Variants in OCA2 observed in about 807,000 individuals in gnomAD.
OCA2 encodes the protein OCA2 melanosomal transmembrane protein.
Under a neutral mutation model 100.2 loss-of-function variants are expected in OCA2, and 77 were observed. The observed-to-expected ratio is 0.77, with a 90% CI of 0.64 to 0.93. The LOEUF is 0.93. Ranked by LOEUF, OCA2 falls within the 40% of genes least tolerant of loss-of-function variation. The pLI is 0.00. For synonymous variants in OCA2, 432 were observed against 439.2 expected, an observed-to-expected ratio of 0.98 and a Z score of 0.21; for missense variants, 1,062 against 1,089.1, an observed-to-expected ratio of 0.98 and a Z score of 0.35.
chr15:28,019,720 G>A (rs1390632077), intron 6 of OCA2, among the ~76,000 whole-genome samples: 1 of 152,122 alleles, frequency 6.6e-6, no homozygotes, highest in Non-Finnish European at 1.5e-5. Flanking sequence ...ACAGCCCTGA[G>A]GACATTGCTG....
At position 28,081,801 on chromosome 15, in the gene OCA2, G is replaced by A. The variant is rs756543761; in HGVS notation, c.74C>T (p.Pro25Leu). ...GGCCACAAGTTCAGCGAGTCCGCTG[G>A]GCACGGACGTCTGCAGGAGCTCCAC... is the stretch of plus-strand genomic sequence containing the variant. ...PAVELLQTSV[P>L]SGLAELVAGK... The change falls in exon 2 of 24, where the codon CCC (proline) becomes CTC (leucine). Residue 25 changes from proline to leucine, a missense_variant. Physicochemically the swap from Pro to Leu is moderately conservative, Grantham distance 98. Transcript: ENST00000354638. 6.2e-7 allele frequency: 1 copy of A among 1,612,650 alleles called. No homozygotes were observed. The highest frequency in any genetic ancestry group is 8.5e-7 in the Non-Finnish European group (1 of 1,179,830).
At position 27,977,025 on chromosome 15, in the gene OCA2, C is replaced by G. The variant is rs116571735; in HGVS notation, c.1503+6320G>C. On this transcript the variant is annotated intron_variant, in intron 14 of 23. Transcript: ENST00000354638. ...GTTTCCAAAAAATTGTTTATTTTAT[C>G]TAAGTTGTCAAATAGTTTACATAGA... 7.3e-3 allele frequency among the ~76,000 whole-genome samples: 1,106 copies of G among 152,188 alleles called. 21 individuals are homozygous for G. The highest frequency in any genetic ancestry group is 0.025 in the African/African-American group (1,022 of 41,524).
chr15:27,832,015 G>A (rs1447983338), intron 23 of OCA2, among the ~76,000 whole-genome samples: 1 of 147,608 alleles, frequency 6.8e-6, no homozygotes, highest in Non-Finnish European at 1.5e-5. Context: ...ACCACCCCCT[G>A]CTCCGTCAGA....
intron 1 of OCA2, among the ~76,000 whole-genome samples, chr15:28,083,537 A>G (rs973012068): frequency 6.6e-6 from 1 of 152,226 alleles, no homozygotes; most frequent in East Asian, 1.9e-4. Context: ...AGAACAAAGT[A>G]CAAATGTACA....
At chr15:28,029,301 G>A (rs1346411760) in intron 3 of OCA2, among the ~76,000 whole-genome samples, 1 of 152,154 alleles carries the variant, frequency 6.6e-6, no homozygotes, top group Non-Finnish European at 1.5e-5. Flanking sequence ...ACATGACTTT[G>A]AAAATAGTCG....
intron 9 of OCA2, among the ~76,000 whole-genome samples, chr15:28,002,941 G>A (rs2041972913): frequency 2.0e-5 from 3 of 152,226 alleles, no homozygotes; most frequent in Admixed American, 2.0e-4. Context: ...CCTGGCTTAT[G>A]TTATGCAGAA....
chr15:27,912,239 C>G (rs1300866461), intron 19 of OCA2, among the ~76,000 whole-genome samples: 1 of 152,110 alleles, frequency 6.6e-6, no homozygotes. Context: ...ATTGCGGAGG[C>G]CTAGATTCAG....
At chr15:27,902,793 C>T (rs1235203403) in intron 19 of OCA2, among the ~76,000 whole-genome samples, 1 of 152,226 alleles carries the variant, frequency 6.6e-6, no homozygotes. Flanking sequence ...GGAAACACTA[C>T]GTGCAGCCGA....
At chr15:27,742,034 TAGGAAA>T in the OCA2 span, among the ~76,000 whole-genome samples, 1 of 152,204 alleles carries the variant, frequency 6.6e-6, no homozygotes, top group Non-Finnish European at 1.5e-5. Context: ...ATAATGGTTT[TAGGAAA>T]TACACATTGC....
At chr15:27,902,242 A>G (rs1480486423) in intron 19 of OCA2, among the ~76,000 whole-genome samples, 1 of 151,928 alleles carries the variant, frequency 6.6e-6, no homozygotes, top group African/African-American at 2.4e-5. Context: ...TTTAGCAAAG[A>G]AGGACTTCTG....
intron 14 of OCA2, among the ~76,000 whole-genome samples, chr15:27,982,514 G>A (rs996552471): frequency 3.9e-5 from 6 of 152,132 alleles, no homozygotes; most frequent in African/African-American, 9.7e-5. Flanking sequence ...AGTTTCCCAC[G>A]GCAGCTAGGG....
intron 18 of OCA2, among the ~76,000 whole-genome samples, chr15:27,927,116 C>A (rs2039071591): frequency 6.6e-6 from 1 of 152,080 alleles, no homozygotes; most frequent in East Asian, 1.9e-4. Flanking sequence ...ATGGAGAAAC[C>A]CCGTCTCTAC....
chr15:27,923,770 T>C (rs2038948986), intron 19 of OCA2, among the ~76,000 whole-genome samples: 1 of 152,222 alleles, frequency 6.6e-6, no homozygotes, highest in Non-Finnish European at 1.5e-5. Context: ...TAGACCTTTG[T>C]CAGAGATGCA....
At chr15:27,885,761 T>TGACTATTGA (rs61493057) in intron 19 of OCA2, among the ~76,000 whole-genome samples, 1 of 151,582 alleles carries the variant, frequency 6.6e-6, no homozygotes, top group Admixed American at 6.6e-5. Context: ...ATTTGTTTGA[T>TGACTATTGA]GTGCTTACTA....
At chr15:27,788,984 C>G (rs950028634) in intron 23 of OCA2, among the ~76,000 whole-genome samples, 2 of 152,036 alleles carry the variant, frequency 1.3e-5, no homozygotes, top group African/African-American at 4.8e-5. Flanking sequence ...AGATTCTGCT[C>G]TAAGGTGGCC....
intron 23 of OCA2, among the ~76,000 whole-genome samples, chr15:27,790,265 A>G (rs752518845): frequency 2.6e-5 from 4 of 152,270 alleles, no homozygotes; most frequent in Non-Finnish European, 4.4e-5. Context: ...CCAAGTGCTG[A>G]TTAGACAGTA....
the OCA2 span, among the ~76,000 whole-genome samples, chr15:27,734,294 A>T: frequency 6.6e-6 from 1 of 150,864 alleles, no homozygotes; most frequent in South Asian, 2.1e-4. Flanking sequence ...AGCAAAAAAA[A>T]AAAAAAAAAA....
intron 18 of OCA2, among the ~76,000 whole-genome samples, chr15:27,937,710 T>C (rs2039506853): frequency 6.6e-6 from 1 of 152,244 alleles, no homozygotes; most frequent in African/African-American, 2.4e-5. Flanking sequence ...CAATATCTTC[T>C]TCTGTGAAGT....
chr15:28,016,979 C>CA (rs780376604), intron 7 of OCA2, among the ~76,000 whole-genome samples: 2 of 148,532 alleles, frequency 1.3e-5, no homozygotes, highest in Admixed American at 1.4e-4. Context: ...GGAAGGGCCC[C>CA]AGAGTGAAGC....
Sources: gnomAD v4.1 joint callset for allele counts (sites outside exome capture counted in the v4.1 genomes callset) on GRCh38, gnomAD v4.1.1 for gene constraint, MANE v1.5 for transcripts, NCBI Gene and HGNC (gene_info 2026-07-23, HGNC 2026-07-21) for gene names.